Variants in CERKL observed in about 807,000 individuals in gnomAD.
CERKL encodes ceramide kinase-like protein.
CERKL carries 61 observed loss-of-function variants against 63.4 expected under a neutral mutation model. The ratio of observed to expected loss-of-function variants is 0.96; its 90% confidence interval spans 0.78 to 1.19. CERKL has a LOEUF of 1.19. Among genes scored for constraint, CERKL ranks in the 50% most tolerant of loss-of-function variants. The pLI, the probability that CERKL is intolerant of heterozygous loss-of-function variation, is 0.00. For synonymous variants in CERKL, 250 were observed against 230.5 expected, an observed-to-expected ratio of 1.08 and a Z score of -0.77; for missense variants, 675 against 655.5, an observed-to-expected ratio of 1.03 and a Z score of -0.33.
chr2:181,615,837 A>G (rs1272050428), intron 1 of CERKL, among the ~76,000 whole-genome samples: 1 of 152,236 alleles, frequency 6.6e-6, no homozygotes, highest in East Asian at 1.9e-4. Context: ...CTGAAAACCC[A>G]TCACAATATA....
intron 1 of CERKL, among the ~76,000 whole-genome samples, chr2:181,617,013 T>G (rs1686225965): frequency 6.6e-6 from 1 of 152,168 alleles, no homozygotes; most frequent in Admixed American, 6.5e-5. Context: ...CATATTAACA[T>G]TTGCACTAAA....
intron 1 of CERKL, among the ~76,000 whole-genome samples, chr2:181,625,884 T>A (rs986439442): frequency 1.3e-5 from 2 of 152,230 alleles, no homozygotes; most frequent in Admixed American, 1.3e-4. Flanking sequence ...TTTAATTTAA[T>A]CTAAAGTTTC....
intron 1 of CERKL, among the ~76,000 whole-genome samples, chr2:181,644,375 A>T (rs570534521): frequency 6.6e-6 from 1 of 152,356 alleles, no homozygotes; most frequent in African/African-American, 2.4e-5. Context: ...CCTTATTTTA[A>T]CATAAATAAA....
intron 1 of CERKL, among the ~76,000 whole-genome samples, chr2:181,624,550 T>C (rs1686600758): frequency 6.6e-6 from 1 of 151,912 alleles, no homozygotes; most frequent in Non-Finnish European, 1.5e-5. Flanking sequence ...AAAAACGAAA[T>C]TGCTACATGG....
intron 1 of CERKL, among the ~76,000 whole-genome samples, chr2:181,606,248 AGGAGGAAGACAG>A (rs1448556722): frequency 1.7e-5 from 2 of 116,934 alleles, no homozygotes; most frequent in African/African-American, 3.3e-5. Context: ...ATGGAAGACA[AGGAGGAAGACAG>A]GGAGTGGGGG....
At chr2:181,587,151 T>C (rs1387803107) in intron 2 of CERKL, among the ~76,000 whole-genome samples, 1 of 152,194 alleles carries the variant, frequency 6.6e-6, no homozygotes, top group African/African-American at 2.4e-5. Context: ...AATGCATCAA[T>C]TTCACCTTAT....
In CERKL at chr2:181,628,677, G is replaced by A. The variant is rs968120134; in HGVS notation, c.239-24598C>T. On this transcript the variant is annotated intron_variant, in intron 1 of 12. Transcript: ENST00000410087. ...AGGGGATACATGATCTAAAGTTTGC[G>A]CAAGTTCATTTTCCTTTTAATGTAC... Among the ~76,000 whole-genome samples, 117 of 152,068 alleles carry A rather than the reference G, an allele frequency of 7.7e-4. 7 individuals carry two copies. Among genetic ancestry groups the A allele is most frequent in the East Asian group, 1.9e-4 (1 of 5,192 alleles).
intron 3 of CERKL, among the ~76,000 whole-genome samples, chr2:181,571,261 G>A (rs1008759701): frequency 6.6e-6 from 1 of 152,082 alleles, no homozygotes; most frequent in Non-Finnish European, 1.5e-5. Flanking sequence ...TAGGAGGAGT[G>A]TTAGGCAGCT....
chr2:181,604,010 A>T lies in CERKL; in HGVS notation c.308T>A (p.Leu103Gln), dbSNP rs762871346. The T allele has an allele frequency of 6.2e-7, 1 of 1,612,320 alleles. No individual in the cohort carries two copies. ...IELKDIFSVK[L>Q]KRRCSVKQQR... ...CTGTTTAACAGAACAACGCCGTTTC[A>T]GTTTCACAGAGAATATGTCTTTGAG... Residue 103 changes from leucine to glutamine, a missense_variant, in exon 2 of 13, where the codon CTG becomes CAG. By Grantham distance (113) the Leu-to-Gln change is moderately radical. Coordinates refer to ENST00000410087, the MANE Select transcript of CERKL (RefSeq NM_201548.5).
intron 3 of CERKL, among the ~76,000 whole-genome samples, chr2:181,570,187 G>A (rs868836893): frequency 1.3e-5 from 2 of 152,122 alleles, no homozygotes; most frequent in Non-Finnish European, 2.9e-5. Context: ...CAGTAACTCT[G>A]AACATTCATA....
chr2:181,578,095 G>A (rs753388515), intron 2 of CERKL, among the ~76,000 whole-genome samples: 12 of 152,064 alleles, frequency 7.9e-5, no homozygotes, highest in Admixed American at 2.0e-4. Context: ...CTTATTTAGC[G>A]CATTCACTGA....
intron 1 of CERKL, among the ~76,000 whole-genome samples, chr2:181,616,869 T>C (rs1686219719): frequency 6.6e-6 from 1 of 152,218 alleles, no homozygotes; most frequent in South Asian, 2.1e-4. Context: ...AATTGGTGAA[T>C]TAAGTAAATC....
Position 181,558,723 on chromosome 2 carries a change from A to G in CERKL, c.678-15T>C. On this transcript the variant is annotated splice_polypyrimidine_tract_variant and intron_variant, in intron 4 of 12. Coordinates refer to ENST00000410087, the MANE Select transcript of CERKL (RefSeq NM_201548.5). The surrounding 1 kb of genome is among the most constrained non-coding windows in gnomAD (Gnocchi z 4.2). The stretch of plus-strand genomic sequence containing the variant: ...CACAGACAACACTAGAAAAATACAA[A>G]TCAAGCAAAGAAGGCAAAACTTCAG... 5 of 1,613,160 alleles carry G rather than the reference A, an allele frequency of 3.1e-6. No homozygotes were observed. The highest frequency in any genetic ancestry group is 1.7e-4 in the Middle Eastern group (1 of 6,050).
At chr2:181,565,943 A>G in intron 4 of CERKL, 115 bp downstream of exon 4, 1 of 715,844 alleles carries the variant, frequency 1.4e-6, no homozygotes. Context: ...GATAGAGCCA[A>G]AGTACATACA....
chr2:181,644,968 G>A (rs1293035022), intron 1 of CERKL, among the ~76,000 whole-genome samples: 2 of 152,082 alleles, frequency 1.3e-5, no homozygotes, highest in Non-Finnish European at 2.9e-5. Context: ...AGATAGGCAG[G>A]AGCCAAGCAT....
chr2:181,573,087 G>A (rs962645939), intron 3 of CERKL, among the ~76,000 whole-genome samples: 14 of 151,878 alleles, frequency 9.2e-5, no homozygotes, highest in Admixed American at 1.3e-4. Flanking sequence ...CCATAGCATC[G>A]ACTCTTCTAC....
chr2:181,564,394 T>A (rs1466286600), intron 4 of CERKL, among the ~76,000 whole-genome samples: 1 of 152,174 alleles, frequency 6.6e-6, no homozygotes, highest in Non-Finnish European at 1.5e-5. Flanking sequence ...ATAACTCAAT[T>A]CATATAATGG....
chr2:181,604,855 T>C (rs1016208333), intron 1 of CERKL, among the ~76,000 whole-genome samples: 1 of 138,364 alleles, frequency 7.2e-6, no homozygotes, highest in Non-Finnish European at 1.5e-5. Flanking sequence ...TTAACCATAA[T>C]CAGACTTAAA....
intron 1 of CERKL, among the ~76,000 whole-genome samples, chr2:181,625,955 T>G (rs147159504): frequency 6.6e-6 from 1 of 152,178 alleles, no homozygotes; most frequent in African/African-American, 2.4e-5. Flanking sequence ...GTAGTGCAAA[T>G]AAGTTTAGAT....
Sources: gnomAD v4.1 joint callset for allele counts (sites outside exome capture counted in the v4.1 genomes callset) on GRCh38, gnomAD v4.1.1 for gene constraint, Gnocchi (gnomAD v3.1) non-coding constraint, MANE v1.5 for transcripts, NCBI Gene and HGNC (gene_info 2026-07-23, HGNC 2026-07-21) for gene names.